Variants in DENND5B observed in about 807,000 individuals in gnomAD.
The protein encoded by DENND5B is DENN domain-containing protein 5B.
A neutral mutation model predicts 140.6 loss-of-function variants in DENND5B; 34 were observed. The ratio of observed to expected loss-of-function variants is 0.24; its 90% confidence interval spans 0.18 to 0.32. The LOEUF is 0.32. DENND5B is among the 10% of genes least tolerant of loss of function. The probability of loss-of-function intolerance (pLI) is 1.00; values close to 1 mark genes in which losing one functional copy is unlikely to be tolerated. For missense variants in DENND5B, 1,142 were observed against 1,560.2 expected, an observed-to-expected ratio of 0.73 and a Z score of 4.52; for synonymous variants, 551 against 562.1, an observed-to-expected ratio of 0.98 and a Z score of 0.28.
intron 3 of DENND5B, among the ~76,000 whole-genome samples, chr12:31,463,514 G>C (rs1406771343): frequency 6.6e-6 from 1 of 152,066 alleles, no homozygotes; most frequent in East Asian, 1.9e-4. Flanking sequence ...ATGATGATGG[G>C]ATAAGAATAT....
chr12:31,464,596 T>G (rs1945171033), intron 3 of DENND5B, among the ~76,000 whole-genome samples: 1 of 152,214 alleles, frequency 6.6e-6, no homozygotes, highest in African/African-American at 2.4e-5. Context: ...GGTCTCACTC[T>G]CTCGTCCAGG....
At chr12:31,555,551 T>C (rs1592042959) in intron 1 of DENND5B, among the ~76,000 whole-genome samples, 1 of 152,186 alleles carries the variant, frequency 6.6e-6, no homozygotes, top group Non-Finnish European at 1.5e-5. Flanking sequence ...TCAAGCTGCA[T>C]GCTGGGAGAA....
At chr12:31,581,788 T>C (rs147218272) in intron 1 of DENND5B, among the ~76,000 whole-genome samples, 1 of 152,214 alleles carries the variant, frequency 6.6e-6, no homozygotes, top group Non-Finnish European at 1.5e-5. Context: ...TCTAATTACT[T>C]AATCGCTCCT....
chr12:31,440,393 C>A (rs1943979697), intron 7 of DENND5B, among the ~76,000 whole-genome samples: 1 of 152,166 alleles, frequency 6.6e-6, no homozygotes, highest in South Asian at 2.1e-4. Context: ...AGGGCCACCC[C>A]TTCACTGGAG....
chr12:31,470,974 C>A (rs1200391288), intron 3 of DENND5B, among the ~76,000 whole-genome samples: 1 of 152,138 alleles, frequency 6.6e-6, no homozygotes, highest in African/African-American at 2.4e-5. Context: ...GATGAATCCA[C>A]CTCCCAGGGA....
At chr12:31,531,679 T>C (rs557173274) in intron 1 of DENND5B, among the ~76,000 whole-genome samples, 21 of 152,334 alleles carry the variant, frequency 1.4e-4, no homozygotes, top group South Asian at 1.0e-3. Flanking sequence ...ATTGTGGCTA[T>C]AGTCAACCCA....
At position 31,395,652 on chromosome 12, in the gene DENND5B, CAT is replaced by C. The variant is rs954312466; in HGVS notation, c.3256+2521_3256+2522del. On this transcript the variant is annotated intron_variant, in intron 17 of 20. Transcript: ENST00000389082. ...ACTGCACTCATAGTTAATACACAAT[CAT>C]GTGCTAGCAAATGGATAGAGACTAA... is the stretch of plus-strand genomic sequence containing the variant. Among the ~76,000 whole-genome samples the C allele has an allele frequency of 2.0e-4, 31 of 152,172 alleles. No homozygotes were observed. The Middle Eastern group carries it at 0.01, about 50-fold the overall frequency.
intron 1 of DENND5B, among the ~76,000 whole-genome samples, chr12:31,511,019 C>G (rs190103139): frequency 2.0e-5 from 3 of 152,148 alleles, no homozygotes; most frequent in East Asian, 3.9e-4. Context: ...ATAACTTGAG[C>G]CCAGGAGTTT....
chr12:31,548,410 A>AG (rs34074307), intron 1 of DENND5B, among the ~76,000 whole-genome samples: 11 of 30,678 alleles, frequency 3.6e-4, no homozygotes, highest in Middle Eastern at 0.019. Flanking sequence ...AAGAAGAAGA[A>AG]AAAAAAAAGA....
Position 31,469,461 on chromosome 12 carries a change from T to C in DENND5B, c.905-9080A>G, listed in dbSNP as rs983885625. ...GTTCTGCACCCACCCCTACACCTTT[T>C]GCACCTCTCTTCCATTTGGCTGTTT... On this transcript the variant is annotated intron_variant, in intron 3 of 20. Coordinates refer to ENST00000389082, the MANE Select transcript of DENND5B (RefSeq NM_144973.4). Among the ~76,000 whole-genome samples the C allele has an allele frequency of 2.6e-5, 4 of 152,204 alleles. No homozygotes were observed. In the South Asian group the frequency reaches 8.3e-4, roughly 32 times the overall value.
chr12:31,418,474 G>T (rs11051423), intron 11 of DENND5B, among the ~76,000 whole-genome samples: 3 of 150,900 alleles, frequency 2.0e-5, no homozygotes, highest in East Asian at 1.9e-4. Flanking sequence ...TTGTAGAGAC[G>T]GGGTTTTGTC....
intron 1 of DENND5B, among the ~76,000 whole-genome samples, chr12:31,550,220 C>G (rs988760600): frequency 9.0e-6 from 1 of 111,510 alleles, no homozygotes; most frequent in African/African-American, 3.3e-5. Context: ...CCCCCTCCCC[C>G]CACCCCACAA....
Position 31,480,268 on chromosome 12 carries a change from GAA to G in DENND5B, c.238-15_238-14del. ...TAGGCATGCACAACTGTGAAAGAAA[GAA>G]AAAAAAAAATCAGAATGCAGTACAC... On this transcript the variant is annotated splice_polypyrimidine_tract_variant and intron_variant, in intron 2 of 20. Coordinates refer to ENST00000389082, the MANE Select transcript of DENND5B (RefSeq NM_144973.4). The G allele has an allele frequency of 9.0e-6, 10 of 1,114,574 alleles. No homozygotes were observed. The highest frequency in any genetic ancestry group is 6.4e-5 in the South Asian group (3 of 46,892). The allele number at this position is 1,114,574 out of a possible 1,614,324, so 69.0% of individuals were successfully genotyped here. A position where few individuals can be genotyped will look rare whatever the true frequency, so the allele number is the denominator to read the frequency against.
intron 3 of DENND5B, 35 bp from the exon 4 acceptor site, chr12:31,460,416 C>A (rs1944961839): frequency 3.2e-6 from 5 of 1,567,124 alleles, no homozygotes; most frequent in Admixed American, 1.8e-5. Flanking sequence ...AGGGAAGAGT[C>A]CAAGTAAAAA....
At chr12:31,453,731 A>T (rs1457279881) in intron 4 of DENND5B, among the ~76,000 whole-genome samples, 1 of 152,200 alleles carries the variant, frequency 6.6e-6, no homozygotes, top group Non-Finnish European at 1.5e-5. Flanking sequence ...ACGGCAAAGT[A>T]AGGGGAAAGG....
At chr12:31,584,635 T>C (rs1950330871) in intron 1 of DENND5B, among the ~76,000 whole-genome samples, 1 of 151,854 alleles carries the variant, frequency 6.6e-6, no homozygotes, top group Admixed American at 6.6e-5. Flanking sequence ...GGCAACATCT[T>C]TGTAGAGATG....
At chr12:31,496,094 G>C (rs920990994) in intron 1 of DENND5B, among the ~76,000 whole-genome samples, 175 bp from the exon 2 acceptor site, 4 of 152,304 alleles carry the variant, frequency 2.6e-5, no homozygotes, top group African/African-American at 7.2e-5. Context: ...GTTAACAACA[G>C]AGCAGCATTT....
chr12:31,527,327 T>C (rs1020514917), intron 1 of DENND5B, among the ~76,000 whole-genome samples: 2 of 152,044 alleles, frequency 1.3e-5, no homozygotes, highest in African/African-American at 4.8e-5. Context: ...CATGCTCAGA[T>C]TGTCTGGAAA....
chr12:31,584,562 C>G (rs1950327552), intron 1 of DENND5B, among the ~76,000 whole-genome samples: 1 of 152,182 alleles, frequency 6.6e-6, no homozygotes, highest in South Asian at 2.1e-4. Context: ...GCCTGTAATC[C>G]CAGCACTTTG....
Sources: allele counts gnomAD v4.1 joint callset (sites outside exome capture counted in the v4.1 genomes callset), GRCh38; gene constraint gnomAD v4.1.1; transcripts MANE v1.5; gene names NCBI Gene and HGNC (gene_info 2026-07-23, HGNC 2026-07-21).